Variants in SORCS1 observed in about 807,000 individuals in gnomAD.
SORCS1 encodes the protein VPS10 domain-containing receptor SorCS1.
SORCS1 carries 60 observed loss-of-function variants against 146.1 expected under a neutral mutation model. The observed-to-expected ratio is 0.41, with a 90% CI of 0.33 to 0.51. The LOEUF is 0.51. Ranked by LOEUF, SORCS1 falls within the 20% of genes least tolerant of loss-of-function variation. The probability of loss-of-function intolerance (pLI) is 0.21; values close to 1 mark genes in which losing one functional copy is unlikely to be tolerated. For missense variants in SORCS1, 1,352 were observed against 1,487.6 expected (o/e 0.91, Z 1.50); for synonymous variants, 637 against 584.0 (o/e 1.09, Z -1.31).
chr10:107,000,605 CAAA>C (rs1217124316), intron 1 of SORCS1, among the ~76,000 whole-genome samples: 6 of 75,544 alleles, frequency 7.9e-5, no homozygotes, highest in African/African-American at 5.1e-5. Context: ...GACTCCATCT[CAAA>C]AAAAAAAAAA....
In SORCS1 at chr10:106,896,006, T is replaced by G. The variant is rs370859000; in HGVS notation, c.626+60507A>C. ...TATTTAGCCTTACAAAGGAAGAAAATTCTGAAACATGTTAGAACATAGATG... is the reference window on the plus strand; with the variant it reads ...TATTTAGCCTTACAAAGGAAGAAAAGTCTGAAACATGTTAGAACATAGATG... On this transcript the variant is annotated intron_variant, in intron 2 of 25. Transcript: ENST00000263054. 1.4e-3 allele frequency among the ~76,000 whole-genome samples: 219 copies of G among 151,786 alleles called. 1 individual carries two copies. Among genetic ancestry groups the G allele is most frequent in the African/African-American group, 4.9e-3 (201 of 41,332 alleles).
chr10:106,840,153 T>C (rs1169073079), intron 2 of SORCS1, among the ~76,000 whole-genome samples: 2 of 152,234 alleles, frequency 1.3e-5, no homozygotes, highest in Non-Finnish European at 2.9e-5. Flanking sequence ...CTTCCATAGA[T>C]AGTGATTCCT....
chr10:106,959,760 CT>C (rs1955134570), intron 1 of SORCS1, among the ~76,000 whole-genome samples: 1 of 152,216 alleles, frequency 6.6e-6, no homozygotes, highest in South Asian at 2.1e-4. Context: ...GATCCTCCCA[CT>C]TTAACCTCCT....
intron 1 of SORCS1, among the ~76,000 whole-genome samples, chr10:106,989,268 TCAGAAAA>T (rs1956633341): frequency 2.1e-5 from 1 of 46,942 alleles, no homozygotes; most frequent in Admixed American, 3.7e-4. Flanking sequence ...AGGCTCCACC[TCAGAAAA>T]AAAAAAAAAA....
At chr10:106,594,334 A>G (rs1244990666) in intron 24 of SORCS1, among the ~76,000 whole-genome samples, 1 of 152,232 alleles carries the variant, frequency 6.6e-6, no homozygotes. Context: ...AAATTCACAC[A>G]TAACAATTAT....
intron 2 of SORCS1, among the ~76,000 whole-genome samples, chr10:106,938,472 C>A (rs1195019168): frequency 6.6e-6 from 1 of 152,230 alleles, no homozygotes; most frequent in Non-Finnish European, 1.5e-5. Context: ...GGCCACCACG[C>A]TAGCTAGTAT....
chr10:106,702,676 TC>T (rs1464505264), intron 8 of SORCS1, among the ~76,000 whole-genome samples: 1 of 152,228 alleles, frequency 6.6e-6, no homozygotes, highest in African/African-American at 2.4e-5. Flanking sequence ...ATGATATTGG[TC>T]TTAAATAGTT....
At chr10:106,920,434 T>C in intron 2 of SORCS1, among the ~76,000 whole-genome samples, 1 of 152,172 alleles carries the variant, frequency 6.6e-6, no homozygotes, top group East Asian at 1.9e-4. Flanking sequence ...TTAATTTCTG[T>C]AAATAAAATG....
intron 5 of SORCS1, among the ~76,000 whole-genome samples, chr10:106,751,771 G>A (rs539066450): frequency 1.5e-3 from 226 of 152,244 alleles, no homozygotes; most frequent in African/African-American, 4.9e-3. Context: ...CAGTCTCTGC[G>A]TTGATGGATT....
intron 6 of SORCS1, among the ~76,000 whole-genome samples, chr10:106,711,054 C>T (rs60066383): frequency 0.057 from 8,707 of 152,196 alleles, 452 homozygotes; most frequent in African/African-American, 0.15. Flanking sequence ...CTTACTGAGC[C>T]GTGCTCCCAT....
chr10:106,870,457 C>CTT (rs969680448), intron 2 of SORCS1, among the ~76,000 whole-genome samples: 1 of 152,090 alleles, frequency 6.6e-6, no homozygotes, highest in Admixed American at 6.6e-5. Flanking sequence ...GCTACAGTAA[C>CTT]CAAAAGAGTG....
Position 106,922,725 on chromosome 10 carries a change from G to C in SORCS1, c.626+33788C>G, listed in dbSNP as rs529043861. ...TCGCCCAAATCCGCAGTTTACGTTA[G>C]GGTTCATCCTAGACTTATATATTCT... On this transcript the variant is annotated intron_variant, in intron 2 of 25. Coordinates refer to ENST00000263054, the MANE Select transcript of SORCS1 (RefSeq NM_052918.5). Among the ~76,000 whole-genome samples, 4 of 147,460 alleles carry C rather than the reference G, an allele frequency of 2.7e-5. No individual in the cohort carries two copies. The East Asian group carries it at 7.8e-4, about 29-fold the overall frequency.
intron 3 of SORCS1, among the ~76,000 whole-genome samples, chr10:106,827,791 G>C (rs1948365340): frequency 6.6e-6 from 1 of 152,200 alleles, no homozygotes; most frequent in Non-Finnish European, 1.5e-5. Flanking sequence ...GAGGTTGACA[G>C]TATTGGTTGT....
chr10:106,793,596 G>C (rs1196398071), intron 3 of SORCS1, among the ~76,000 whole-genome samples: 1 of 152,118 alleles, frequency 6.6e-6, no homozygotes, highest in Admixed American at 6.5e-5. Flanking sequence ...CAAGCTAAGA[G>C]GTTATTACAT....
chr10:106,681,704 G>A (rs1252797125), intron 10 of SORCS1, among the ~76,000 whole-genome samples: 1 of 152,192 alleles, frequency 6.6e-6, no homozygotes, highest in African/African-American at 2.4e-5. Flanking sequence ...CCAAACAGAG[G>A]AGGACATCCC....
At chr10:106,723,395 GCACACA>G (rs34071599) in intron 6 of SORCS1, among the ~76,000 whole-genome samples, 1 of 149,174 alleles carries the variant, frequency 6.7e-6, no homozygotes, top group Non-Finnish European at 1.5e-5. Context: ...CTCCTACGAT[GCACACA>G]CACACACACA....
chr10:106,897,188 T>C (rs1277760950), intron 2 of SORCS1, among the ~76,000 whole-genome samples: 1 of 151,614 alleles, frequency 6.6e-6, no homozygotes, highest in African/African-American at 2.4e-5. Flanking sequence ...GCCTGTTTTG[T>C]TTGTTTTTTA....
chr10:106,971,250 T>C (rs986565722), intron 1 of SORCS1, among the ~76,000 whole-genome samples: 1 of 152,216 alleles, frequency 6.6e-6, no homozygotes, highest in African/African-American at 2.4e-5. Flanking sequence ...CCTGTGCTCA[T>C]GTTCAAATCA....
chr10:107,033,612 T>G (rs915080007), intron 1 of SORCS1, among the ~76,000 whole-genome samples: 2 of 152,232 alleles, frequency 1.3e-5, no homozygotes, highest in African/African-American at 4.8e-5. Flanking sequence ...TCCAATTAAA[T>G]TAGCAAATTA....
Sources: gnomAD v4.1 joint callset for allele counts (sites outside exome capture counted in the v4.1 genomes callset) on GRCh38, gnomAD v4.1.1 for gene constraint, MANE v1.5 for transcripts, NCBI Gene and HGNC (gene_info 2026-07-23, HGNC 2026-07-21) for gene names.